The following ARHGEF33 variants were observed in gnomAD, a reference collection of about 807,000 sequenced individuals.
The protein encoded by ARHGEF33 is Rho guanine nucleotide exchange factor 33, also known as DH and coiled-coil domain-containing protein ENSP00000381780.
Under a neutral mutation model 101.9 loss-of-function variants are expected in ARHGEF33, and 72 were observed. The observed-to-expected ratio is 0.71, with a 90% CI of 0.58 to 0.86. The LOEUF is 0.86. ARHGEF33 is among the 40% of genes least tolerant of loss of function. The probability of loss-of-function intolerance (pLI) is 0.00; values close to 1 mark genes in which losing one functional copy is unlikely to be tolerated. For missense variants in ARHGEF33, 1,169 were observed against 1,111.3 expected (o/e 1.05, Z -0.74); for synonymous variants, 499 against 442.5 (o/e 1.13, Z -1.60).
intron 17 of ARHGEF33, among the ~76,000 whole-genome samples, chr2:38,972,114 A>G (rs1377963081): frequency 6.6e-6 from 1 of 152,186 alleles, no homozygotes; most frequent in African/African-American, 2.4e-5. Context: ...TAGCAGCCCA[A>G]TTCAAATCCT....
intron 1 of ARHGEF33, among the ~76,000 whole-genome samples, chr2:38,893,576 A>G (rs1666054424): frequency 6.6e-6 from 1 of 152,158 alleles, no homozygotes; most frequent in African/African-American, 2.4e-5. Flanking sequence ...TTCTCTGAAA[A>G]TTTTAGGCAC....
At chr2:38,948,649 T>G (rs1572768528) in intron 10 of ARHGEF33, among the ~76,000 whole-genome samples, 1 of 152,018 alleles carries the variant, frequency 6.6e-6, no homozygotes, top group African/African-American at 2.4e-5. Flanking sequence ...TCCAAGACAT[T>G]TTATATACAT....
chr2:38,957,319 A>T (rs578033692), intron 14 of ARHGEF33, among the ~76,000 whole-genome samples: 1 of 152,216 alleles, frequency 6.6e-6, no homozygotes. Flanking sequence ...AAATAGTTCA[A>T]CTGCCCTAAA....
chr2:38,899,124 C>A (rs1234244176), intron 2 of ARHGEF33, among the ~76,000 whole-genome samples: 1 of 151,958 alleles, frequency 6.6e-6, no homozygotes, highest in Non-Finnish European at 1.5e-5. Context: ...TAAACATCTC[C>A]TGAAATTAAA....
chr2:38,940,239 A>G (rs1426073771), intron 9 of ARHGEF33, among the ~76,000 whole-genome samples: 3 of 152,304 alleles, frequency 2.0e-5, no homozygotes, highest in Non-Finnish European at 4.4e-5. Flanking sequence ...TCTTAGCAAT[A>G]TAACAGAAAC....
rs997375094 is a variant in ARHGEF33 at position 38,959,841 on chromosome 2, A to T, written c.1536A>T (p.Thr512=). 1 of 1,543,978 alleles carries T rather than the reference A, an allele frequency of 6.5e-7. No homozygotes were observed. The highest frequency in any genetic ancestry group is 1.4e-5 in the African/African-American group (1 of 72,812). The change falls in exon 16 of 18, where the codon ACA becomes ACT. Residue 512 remains threonine (T), a splice_region_variant and synonymous_variant. Transcript: ENST00000409978. ...PSAPSSGPAI[T]HLMPPVKKSQ... ...TTTGTACTCTGTTTTCCCCCTAAAGACATCTGATGCCCCCAGTGAAGAAAA... is the reference window on the plus strand; with the variant it reads ...TTTGTACTCTGTTTTCCCCCTAAAGTCATCTGATGCCCCCAGTGAAGAAAA...
intron 13 of ARHGEF33, among the ~76,000 whole-genome samples, chr2:38,956,670 T>G (rs1205218726): frequency 6.6e-6 from 1 of 152,224 alleles, no homozygotes; most frequent in African/African-American, 2.4e-5. Context: ...TTATTTTATG[T>G]TCACATTCAA....
At chr2:38,933,327 G>A (rs1412542461) in intron 7 of ARHGEF33, among the ~76,000 whole-genome samples, 2 of 152,048 alleles carry the variant, frequency 1.3e-5, no homozygotes, top group Non-Finnish European at 2.9e-5. Context: ...TTCTCCCAGG[G>A]CAAGTTATCT....
intron 16 of ARHGEF33, among the ~76,000 whole-genome samples, chr2:38,960,942 C>A (rs1297343083): frequency 1.3e-5 from 2 of 152,160 alleles, no homozygotes; most frequent in Non-Finnish European, 2.9e-5. Context: ...GCAGAGAAGC[C>A]CGCCACTCTT....
rs1558446799 is a variant in ARHGEF33, at chr2:38,965,991, C to CT, written c.2344-9dup. The CT allele has an allele frequency of 1.3e-6, 2 of 1,550,334 alleles. No homozygotes were observed. The highest frequency in any genetic ancestry group is 1.7e-6 in the Non-Finnish European group (2 of 1,146,526). On this transcript the variant is annotated splice_polypyrimidine_tract_variant and intron_variant, in intron 16 of 17. Transcript: ENST00000409978. ...GGAAGGAGTAAAGAAAAAAATCCCT[C>CT]TTTTTTGTTTCCAGGAGATGCATTT...
At chr2:38,894,264 C>A (rs1416352079) in intron 1 of ARHGEF33, among the ~76,000 whole-genome samples, 1 of 151,564 alleles carries the variant, frequency 6.6e-6, no homozygotes, top group South Asian at 2.1e-4. Context: ...CCCGGGAGGT[C>A]GAGGCTGCAG....
chr2:38,939,516 A>G (rs1667246328), intron 9 of ARHGEF33, among the ~76,000 whole-genome samples: 1 of 152,206 alleles, frequency 6.6e-6, no homozygotes, highest in Non-Finnish European at 1.5e-5. Context: ...TTTCAATGTT[A>G]GCCATTCTCA....
At chr2:38,894,552 T>C (rs1336275266) in intron 1 of ARHGEF33, among the ~76,000 whole-genome samples, 1 of 152,176 alleles carries the variant, frequency 6.6e-6, no homozygotes, top group Admixed American at 6.5e-5. Context: ...ATGAGTTCCT[T>C]AGTGAGAGGC....
At chr2:38,904,026 C>T (rs1236752775) in intron 2 of ARHGEF33, among the ~76,000 whole-genome samples, 1 of 152,114 alleles carries the variant, frequency 6.6e-6, no homozygotes, top group African/African-American at 2.4e-5. Flanking sequence ...AAAAAATAGC[C>T]TCTTTTCTCA....
chr2:38,909,216 C>T (rs778915869), intron 2 of ARHGEF33, among the ~76,000 whole-genome samples: 6 of 152,102 alleles, frequency 3.9e-5, no homozygotes, highest in Admixed American at 3.3e-4. Flanking sequence ...CAAAGGGTCA[C>T]GTAAGGGGCT....
At chr2:38,928,732 C>T in intron 4 of ARHGEF33, 175 bp from the exon 5 acceptor site, 1 of 492,110 alleles carries the variant, frequency 2.0e-6, no homozygotes, top group African/African-American at 2.0e-5. Context: ...CACTCTTTTT[C>T]TTAGATAAAT....
intron 2 of ARHGEF33, among the ~76,000 whole-genome samples, chr2:38,901,513 C>T (rs1198061244): frequency 6.6e-6 from 1 of 152,216 alleles, no homozygotes; most frequent in African/African-American, 2.4e-5. Context: ...ACCTTGGAAG[C>T]TAACACATCC....
At chr2:38,940,577 T>C (rs1437425150) in intron 9 of ARHGEF33, among the ~76,000 whole-genome samples, 1 of 152,182 alleles carries the variant, frequency 6.6e-6, no homozygotes, top group Non-Finnish European at 1.5e-5. Flanking sequence ...TTGCTGTTGT[T>C]GATTTTTTTC....
chr2:38,906,165 G>A (rs1222738195), intron 2 of ARHGEF33, among the ~76,000 whole-genome samples: 2 of 149,508 alleles, frequency 1.3e-5, no homozygotes, highest in South Asian at 2.1e-4. Flanking sequence ...CTCCAGCCTG[G>A]GTGACAGAGC....
Sources: gnomAD v4.1 joint callset for allele counts (sites outside exome capture counted in the v4.1 genomes callset) on GRCh38, gnomAD v4.1.1 for gene constraint, MANE v1.5 for transcripts, NCBI Gene and HGNC (gene_info 2026-07-23, HGNC 2026-07-21) for gene names.